The following SIPA1L1 variants were observed in gnomAD, a reference collection of about 807,000 sequenced individuals.
SIPA1L1 encodes signal-induced proliferation-associated 1-like protein 1.
SIPA1L1 carries 26 observed loss-of-function variants against 162.7 expected under a neutral mutation model. The ratio of observed to expected loss-of-function variants is 0.16; its 90% CI spans 0.12 to 0.22. SIPA1L1 has a LOEUF of 0.22. Ranked by LOEUF, SIPA1L1 falls within the 10% of genes least tolerant of loss-of-function variation. SIPA1L1 has a pLI of 1.00. For synonymous variants in SIPA1L1, 829 were observed against 837.4 expected, an observed-to-expected ratio of 0.99 and a Z score of 0.17; for missense variants, 1,874 against 2,241.0, an observed-to-expected ratio of 0.84 and a Z score of 3.31.
intron 4 of SIPA1L1, among the ~76,000 whole-genome samples, chr14:71,541,176 C>T (rs1195016872): frequency 6.6e-6 from 1 of 151,982 alleles, no homozygotes; most frequent in African/African-American, 2.4e-5. Context: ...TTTCTCTCTC[C>T]TTCTGGTGAG....
chr14:71,555,305 C>G (rs1387326606), intron 4 of SIPA1L1, among the ~76,000 whole-genome samples: 2 of 152,244 alleles, frequency 1.3e-5, no homozygotes, highest in Non-Finnish European at 2.9e-5. Context: ...CTTGCACTTT[C>G]ATGTTATGGA....
At chr14:71,650,542 A>T in intron 8 of SIPA1L1, 33 bp downstream of exon 8, 1 of 1,601,248 alleles carries the variant, frequency 6.2e-7, no homozygotes, top group Non-Finnish European at 8.6e-7. Flanking sequence ...TACTAGGCTT[A>T]TTTTCCCCCT....
intron 2 of SIPA1L1, among the ~76,000 whole-genome samples, chr14:71,372,815 A>G (rs542185379): frequency 3.3e-5 from 5 of 152,312 alleles, no homozygotes; most frequent in African/African-American, 1.2e-4. Context: ...ACACAGGAAT[A>G]AGTACCTGGG....
intron 16 of SIPA1L1, among the ~76,000 whole-genome samples, chr14:71,708,029 G>GTTTTTTTTTTTTTTTT (rs58827391): frequency 1.5e-3 from 119 of 82,040 alleles, no homozygotes; most frequent in Non-Finnish European, 2.3e-3. Context: ...TTTTTTTTTT[G>GTTTTTTTTTTTTTTTT]TTTTTTTTTT....
At chr14:71,400,755 G>C (rs1036327670) in intron 2 of SIPA1L1, 4 of 151,990 alleles carry the variant, frequency 2.6e-5, no homozygotes, top group Admixed American at 6.6e-5. Flanking sequence ...ATGCCTTCCA[G>C]CTTCATCTGA....
At chr14:71,468,040 G>C (rs1045646487) in intron 2 of SIPA1L1, among the ~76,000 whole-genome samples, 1 of 150,784 alleles carries the variant, frequency 6.6e-6, no homozygotes, top group Non-Finnish European at 1.5e-5. Context: ...GTGTGTGTGT[G>C]TGTGTGTCTG....
chr14:71,536,061 T>C (rs1286351290), intron 4 of SIPA1L1, among the ~76,000 whole-genome samples: 1 of 151,936 alleles, frequency 6.6e-6, no homozygotes, highest in Non-Finnish European at 1.5e-5. Context: ...TAAGGAATTC[T>C]GTGCTAAGAT....
intron 2 of SIPA1L1, among the ~76,000 whole-genome samples, chr14:71,408,377 T>G (rs1041327688): frequency 2.0e-5 from 3 of 152,180 alleles, no homozygotes; most frequent in Non-Finnish European, 4.4e-5. Flanking sequence ...GTTTATAGTT[T>G]TACCATATTT....
intron 5 of SIPA1L1, among the ~76,000 whole-genome samples, chr14:71,600,454 G>A (rs888379376): frequency 6.6e-6 from 1 of 152,048 alleles, no homozygotes; most frequent in African/African-American, 2.4e-5. Context: ...ATTGGTCTTT[G>A]TGTCTGTTTT....
In SIPA1L1 at chr14:71,643,211, TACAGAGAAACTCCTA is replaced by T. The variant is rs577694117; in HGVS notation, c.1819-7119_1819-7105del. 5.5e-3 allele frequency among the ~76,000 whole-genome samples: 836 copies of T among 152,250 alleles called. 9 individuals are homozygous for T. The highest frequency in any genetic ancestry group is 0.017 in the Middle Eastern group (5 of 294). ...TAATCAAATTGTTTCAAACCCGTGATACAGAGAAACTCCTAACAGCAGCCAAAGGGAAAAATCTTG... is the reference window on the plus strand; with the variant it reads ...TAATCAAATTGTTTCAAACCCGTGATACAGCAGCCAAAGGGAAAAATCTTG... On this transcript the variant is annotated intron_variant, in intron 7 of 23. Coordinates refer to ENST00000381232, the MANE Select transcript of SIPA1L1 (RefSeq NM_001386936.1).
At position 71,699,008 on chromosome 14, in the gene SIPA1L1, G is replaced by A; in HGVS notation, c.3402G>A (p.Val1134=). 1 of 1,614,210 alleles carries A rather than the reference G, an allele frequency of 6.2e-7. No individual in the cohort carries two copies. Among genetic ancestry groups the A allele is most frequent in the African/African-American group, 1.3e-5 (1 of 75,036 alleles). ...RRLSPGSDIY[V]TVSSMALARS... is the part of the protein sequence containing the mutation. ...TGTCTCCTGGTTCGGACATCTATGT[G>A]ACGGTCTCATCCATGGCTTTAGCAA... Residue 1134 remains valine (V), a synonymous_variant, in exon 14 of 24, where the codon GTG becomes GTA. Transcript: ENST00000381232.
At chr14:71,441,373 G>A (rs2044840857) in intron 2 of SIPA1L1, among the ~76,000 whole-genome samples, 1 of 152,180 alleles carries the variant, frequency 6.6e-6, no homozygotes, top group Admixed American at 6.5e-5. Flanking sequence ...CCAGAAAAGA[G>A]CCAGCTTCCT....
chr14:71,502,255 AAT>A (rs60241101), intron 2 of SIPA1L1, among the ~76,000 whole-genome samples: 11 of 97,552 alleles, frequency 1.1e-4, no homozygotes, highest in South Asian at 3.6e-4. Context: ...AAAAAAAAAA[AAT>A]ATATATATAT....
At chr14:71,677,068 G>T (rs938047137) in intron 12 of SIPA1L1, among the ~76,000 whole-genome samples, 1 of 152,156 alleles carries the variant, frequency 6.6e-6, no homozygotes, top group Non-Finnish European at 1.5e-5. Flanking sequence ...CACAATGGTT[G>T]AACTAGTTTA....
At chr14:71,722,884 C>G (rs2083872122) in intron 17 of SIPA1L1, among the ~76,000 whole-genome samples, 1 of 152,132 alleles carries the variant, frequency 6.6e-6, no homozygotes, top group Non-Finnish European at 1.5e-5. Flanking sequence ...TACAGGCACA[C>G]ACCACCATGC....
At chr14:71,691,610 A>G (rs770941727) in intron 13 of SIPA1L1, among the ~76,000 whole-genome samples, 3 of 152,034 alleles carry the variant, frequency 2.0e-5, no homozygotes, top group African/African-American at 4.8e-5. Flanking sequence ...AAGTTTGTCT[A>G]TGTGGACTTG....
At chr14:71,488,050 C>T (rs759819316) in intron 2 of SIPA1L1, among the ~76,000 whole-genome samples, 5 of 152,080 alleles carry the variant, frequency 3.3e-5, no homozygotes, top group South Asian at 2.1e-4. Context: ...TTCTCATGGT[C>T]GATACTTTTT....
chr14:71,704,830 C>T (rs2082328787), intron 15 of SIPA1L1: 1 of 1,309,396 alleles, frequency 7.6e-7, no homozygotes. Context: ...TGATTGCATC[C>T]ATGCCTGTCT....
At chr14:71,738,352 G>A (rs1221923670) in intron 23 of SIPA1L1, 27 bp downstream of exon 23, 2 of 1,513,848 alleles carry the variant, frequency 1.3e-6, no homozygotes, top group East Asian at 2.3e-5. Context: ...AAAGCAAATT[G>A]TCCAGTCTGT....
Sources: allele counts gnomAD v4.1 joint callset (sites outside exome capture counted in the v4.1 genomes callset), GRCh38; gene constraint gnomAD v4.1.1; transcripts MANE v1.5; gene names NCBI Gene and HGNC (gene_info 2026-07-23, HGNC 2026-07-21).